The following AGMO variants were observed in gnomAD, a reference collection of about 807,000 sequenced individuals.
AGMO encodes the protein alkylglycerol monooxygenase, also known as glyceryl-ether monooxygenase.
In AGMO, 75 loss-of-function variants were observed where a neutral mutation model predicts 60.2. The observed-to-expected ratio is 1.25, with a 90% CI of 1.03 to 1.51. The LOEUF (loss-of-function observed/expected upper bound fraction) is 1.51. AGMO is among the 40% of genes most tolerant of loss of function. AGMO has a pLI of 0.00. For synonymous variants in AGMO, 261 were observed against 177.1 expected, an observed-to-expected ratio of 1.47 and a Z score of -3.76; for missense variants, 763 against 525.5, an observed-to-expected ratio of 1.45 and a Z score of -4.42.
At chr7:15,118,876 A>ATTTTTTTTTTTTTT in the AGMO span, among the ~76,000 whole-genome samples, 2 of 81,730 alleles carry the variant, frequency 2.4e-5, no homozygotes, top group East Asian at 5.4e-4. Context: ...AGACGTCAGT[A>ATTTTTTTTTTTTTT]TTTTTTTTTT....
chr7:15,406,559 TAC>T (rs201255638), intron 5 of AGMO, among the ~76,000 whole-genome samples: 17,434 of 65,744 alleles, frequency 0.27, 2,648 homozygotes, highest in African/African-American at 0.28. Flanking sequence ...TTGTTTGGAA[TAC>T]ACACACACAC....
intron 10 of AGMO, among the ~76,000 whole-genome samples, chr7:15,382,713 T>G (rs1783741787): frequency 6.6e-6 from 1 of 152,140 alleles, no homozygotes; most frequent in Non-Finnish European, 1.5e-5. Context: ...AAGTAATCAA[T>G]CCTGGAAACA....
At chr7:15,236,857 T>C (rs1047067155) in intron 12 of AGMO, among the ~76,000 whole-genome samples, 38 of 151,940 alleles carry the variant, frequency 2.5e-4, no homozygotes, top group African/African-American at 8.9e-4. Context: ...CTGAAGGGCA[T>C]GACAAGCACA....
chr7:15,286,120 T>C (rs146910238), intron 12 of AGMO, among the ~76,000 whole-genome samples: 26 of 152,070 alleles, frequency 1.7e-4, no homozygotes, highest in African/African-American at 3.4e-4. Flanking sequence ...ACTATAAACA[T>C]TGTATAAAAT....
chr7:15,168,344 TA>T, the AGMO span, among the ~76,000 whole-genome samples: 1 of 152,142 alleles, frequency 6.6e-6, no homozygotes, highest in South Asian at 2.1e-4. Context: ...AATAAATAAA[TA>T]AAAAGGGCGG....
chr7:15,558,363 T>A (rs1785206615), intron 2 of AGMO, among the ~76,000 whole-genome samples: 1 of 152,042 alleles, frequency 6.6e-6, no homozygotes, highest in Non-Finnish European at 1.5e-5. Context: ...TTTCAGTTAT[T>A]GGGTGACGTT....
At chr7:15,389,907 C>T (rs1478584155) in intron 8 of AGMO, among the ~76,000 whole-genome samples, 2 of 152,108 alleles carry the variant, frequency 1.3e-5, no homozygotes, top group African/African-American at 2.4e-5. Context: ...CAGTGAAACT[C>T]GAAGTAGTCT....
chr7:15,144,180 T>A, the AGMO span, among the ~76,000 whole-genome samples: 4 of 152,200 alleles, frequency 2.6e-5, no homozygotes, highest in African/African-American at 4.8e-5. Flanking sequence ...CTGTGGGTTT[T>A]TTTTCTTAAG....
At chr7:15,359,518 T>C (rs184464329) in intron 12 of AGMO, among the ~76,000 whole-genome samples, 89 of 152,228 alleles carry the variant, frequency 5.8e-4, no homozygotes, top group African/African-American at 2.1e-3. Flanking sequence ...TACATATATA[T>C]CATGTATGTT....
intron 12 of AGMO, among the ~76,000 whole-genome samples, chr7:15,354,393 T>TATAG (rs1782396765): frequency 2.4e-5 from 1 of 41,114 alleles, no homozygotes; most frequent in Non-Finnish European, 4.0e-5. Flanking sequence ...CGTGTGTGTA[T>TATAG]ACACGTGTGT....
chr7:15,332,687 G>A (rs144594674), intron 12 of AGMO, among the ~76,000 whole-genome samples: 54 of 152,006 alleles, frequency 3.6e-4, no homozygotes, highest in Admixed American at 9.2e-4. Context: ...TAAATGAAGC[G>A]AGAGACCCAT....
chr7:15,124,160 CA>C, the AGMO span, among the ~76,000 whole-genome samples: 2 of 151,958 alleles, frequency 1.3e-5, no homozygotes, highest in African/African-American at 4.8e-5. Context: ...AAAAGGCAGG[CA>C]AAACAAAACA....
Position 15,201,168 on chromosome 7 carries a change from T to A in AGMO, c.*117A>T, listed in dbSNP as rs1320007399. ...AACAATAGTAAATAAGTAATTTTAC[T>A]TTTCATTGAAGAAATAGTTCATATA... On this transcript the variant is annotated 3_prime_UTR_variant, in exon 13 of 13. Transcript: ENST00000342526. 1 of 589,446 alleles carries A rather than the reference T, an allele frequency of 1.7e-6. No homozygotes were observed. The highest frequency in any genetic ancestry group is 1.9e-5 in the African/African-American group (1 of 51,574). The allele number at this position is 589,446 out of a possible 1,614,324, so 36.5% of individuals were successfully genotyped here.
the AGMO span, among the ~76,000 whole-genome samples, chr7:15,178,482 T>C: frequency 6.6e-6 from 1 of 152,178 alleles, no homozygotes; most frequent in African/African-American, 2.4e-5. Flanking sequence ...ATGTGTCTGG[T>C]TGTAGACCTT....
intron 12 of AGMO, among the ~76,000 whole-genome samples, chr7:15,294,230 A>G: frequency 6.6e-6 from 1 of 151,508 alleles, no homozygotes; most frequent in East Asian, 1.9e-4. Context: ...ATTTTTTTCT[A>G]AAGATATTAT....
intron 3 of AGMO, among the ~76,000 whole-genome samples, chr7:15,491,061 C>G (rs1370959017): frequency 6.6e-6 from 1 of 152,176 alleles, no homozygotes; most frequent in Non-Finnish European, 1.5e-5. Flanking sequence ...GAACTCTAAT[C>G]TGCCCATTGT....
the AGMO span, among the ~76,000 whole-genome samples, chr7:15,163,616 T>C: frequency 6.6e-6 from 1 of 152,136 alleles, no homozygotes; most frequent in African/African-American, 2.4e-5. Context: ...ATATGGTGAC[T>C]CACATTTATT....
chr7:15,416,489 A>G (rs182982480), intron 5 of AGMO, among the ~76,000 whole-genome samples: 2 of 152,082 alleles, frequency 1.3e-5, no homozygotes, highest in Admixed American at 1.3e-4. Context: ...GATTGATTTT[A>G]GGAGAACTGA....
intron 6 of AGMO, among the ~76,000 whole-genome samples, chr7:15,393,351 G>A (rs994535796): frequency 1.3e-5 from 2 of 152,176 alleles, no homozygotes; most frequent in African/African-American, 2.4e-5. Flanking sequence ...CATTTTACTG[G>A]CTTCCTTCTC....
Sources: allele counts gnomAD v4.1 joint callset (sites outside exome capture counted in the v4.1 genomes callset), GRCh38; gene constraint gnomAD v4.1.1; transcripts MANE v1.5; gene names NCBI Gene and HGNC (gene_info 2026-07-23, HGNC 2026-07-21).